DLC1: variants seen among roughly 807,000 people sequenced by gnomAD.
DLC1 encodes the protein DLC1 Rho GTPase activating protein.
A neutral mutation model predicts 140.3 loss-of-function variants in DLC1; 54 were observed. The ratio of observed to expected loss-of-function variants is 0.38; its 90% CI spans 0.31 to 0.48. The LOEUF is 0.48. Among genes scored for constraint, DLC1 ranks in the 20% least tolerant of loss-of-function variants. DLC1 has a pLI of 0.96. For synonymous variants in DLC1, 986 were observed against 728.1 expected (o/e 1.35, Z -5.70); for missense variants, 2,536 against 1,907.0 (o/e 1.33, Z -6.14).
chr8:13,273,796 G>T (rs1237638683), intron 5 of DLC1, among the ~76,000 whole-genome samples: 1 of 150,472 alleles, frequency 6.6e-6, no homozygotes, highest in Non-Finnish European at 1.5e-5. Flanking sequence ...GAATGAATAA[G>T]AATATACCTA....
At chr8:13,346,383 C>T (rs376163526) in intron 4 of DLC1, among the ~76,000 whole-genome samples, 6 of 152,310 alleles carry the variant, frequency 3.9e-5, no homozygotes, top group East Asian at 1.9e-4. Context: ...GCACCAGGAA[C>T]GAAACGTAGG....
chr8:13,494,064 A>G (rs557841408), intron 2 of DLC1, among the ~76,000 whole-genome samples: 1 of 152,350 alleles, frequency 6.6e-6, no homozygotes, highest in African/African-American at 2.4e-5. Flanking sequence ...ATAGCATCTG[A>G]TAAACATCAC....
At chr8:13,159,438 C>A (rs920612830) in intron 5 of DLC1, among the ~76,000 whole-genome samples, 1 of 152,162 alleles carries the variant, frequency 6.6e-6, no homozygotes, top group Non-Finnish European at 1.5e-5. Flanking sequence ...CGCATTCTCA[C>A]GTTCAGGTTT....
chr8:13,207,908 A>G (rs1827752029), intron 5 of DLC1, among the ~76,000 whole-genome samples: 1 of 152,186 alleles, frequency 6.6e-6, no homozygotes, highest in Non-Finnish European at 1.5e-5. Flanking sequence ...ACTTGACAGT[A>G]TTATGTATAC....
chr8:13,539,688 C>T (rs1406550463), intron 1 of DLC1, among the ~76,000 whole-genome samples: 2 of 151,558 alleles, frequency 1.3e-5, no homozygotes, highest in Non-Finnish European at 2.9e-5. Context: ...TGCAGGTGGG[C>T]ATGTTTGTAG....
At chr8:13,405,420 C>T (rs1043886430) in intron 2 of DLC1, among the ~76,000 whole-genome samples, 3 of 152,164 alleles carry the variant, frequency 2.0e-5, no homozygotes, top group East Asian at 1.9e-4. Flanking sequence ...CTTTAAGTTA[C>T]TGATATGTCA....
Position 13,539,494 on chromosome 8 carries a change from C to T in DLC1, c.-125-39298G>A, listed in dbSNP as rs1292142002. On this transcript the variant is annotated intron_variant, in intron 1 of 1. Coordinates refer to the DLC1 transcript ENST00000631382. ...GGATTACAGGCGTGAGCCACTGCAC[C>T]CGCCGCGAATAGTATTTTGGTGAAA... Among the ~76,000 whole-genome samples the T allele has an allele frequency of 2.0e-5, 3 of 152,126 alleles. No homozygotes were observed. The East Asian group carries it at 5.8e-4, about 29-fold the overall frequency.
chr8:13,248,383 A>T (rs1563196719), intron 5 of DLC1, among the ~76,000 whole-genome samples: 1 of 102,418 alleles, frequency 9.8e-6, no homozygotes, highest in African/African-American at 4.4e-5. Flanking sequence ...AGGAAGAAAG[A>T]CTCTCTGACT....
At chr8:13,191,686 C>T (rs1826763915) in intron 5 of DLC1, among the ~76,000 whole-genome samples, 1 of 152,108 alleles carries the variant, frequency 6.6e-6, no homozygotes, top group African/African-American at 2.4e-5. Flanking sequence ...TTTATAAAGC[C>T]TAAATCTATG....
At chr8:13,553,204 A>ATATATG (rs1563436753) in intron 1 of DLC1, among the ~76,000 whole-genome samples, 2 of 34,778 alleles carry the variant, frequency 5.8e-5, no homozygotes, top group African/African-American at 2.2e-4. Flanking sequence ...GCCAGCTGTC[A>ATATATG]TATATATATA....
chr8:13,368,351 T>C (rs1835585632), intron 4 of DLC1, among the ~76,000 whole-genome samples: 2 of 152,126 alleles, frequency 1.3e-5, no homozygotes, highest in African/African-American at 4.8e-5. Flanking sequence ...TCTGGAAACT[T>C]GGCATCCTCT....
chr8:13,356,623 G>C (rs1834954697), intron 4 of DLC1, among the ~76,000 whole-genome samples: 1 of 151,974 alleles, frequency 6.6e-6, no homozygotes, highest in African/African-American at 2.4e-5. Flanking sequence ...AATAATCTGT[G>C]CTAATTTACA....
chr8:13,493,916 A>G (rs1183140171), intron 2 of DLC1, among the ~76,000 whole-genome samples: 1 of 152,322 alleles, frequency 6.6e-6, no homozygotes, highest in South Asian at 2.1e-4. Flanking sequence ...AAATGTTTGC[A>G]TATTTTAAAT....
chr8:13,583,804 G>T (rs2117451943), intron 1 of DLC1: 1 of 152,394 alleles, frequency 6.6e-6, no homozygotes, highest in African/African-American at 2.4e-5. Context: ...GAGGCTGCAT[G>T]GTGAAAATTG....
chr8:13,540,845 A>G (rs1490945634), intron 1 of DLC1, among the ~76,000 whole-genome samples: 2 of 152,202 alleles, frequency 1.3e-5, no homozygotes, highest in East Asian at 3.9e-4. Context: ...TCACAGAAGG[A>G]CACCAGAACA....
intron 2 of DLC1, among the ~76,000 whole-genome samples, chr8:13,416,125 T>C (rs1838045467): frequency 6.6e-6 from 1 of 152,344 alleles, no homozygotes; most frequent in Middle Eastern, 3.4e-3. Flanking sequence ...TGTACCCTGA[T>C]GCTGGCGTCT....
intron 6 of DLC1, among the ~76,000 whole-genome samples, chr8:13,115,017 A>G (rs1003408494): frequency 1.3e-5 from 2 of 152,208 alleles, no homozygotes; most frequent in Non-Finnish European, 2.9e-5. Flanking sequence ...CACAAAAGAT[A>G]GATGCAAGAA....
intron 5 of DLC1, among the ~76,000 whole-genome samples, chr8:13,280,585 T>C (rs1345153164): frequency 6.6e-6 from 1 of 152,196 alleles, no homozygotes; most frequent in African/African-American, 2.4e-5. Context: ...ACATTTTATC[T>C]TACTGCAAAC....
intron 7 of DLC1, among the ~76,000 whole-genome samples, chr8:13,107,917 G>C (rs532410709): frequency 1.3e-5 from 2 of 152,196 alleles, no homozygotes; most frequent in South Asian, 4.2e-4. Context: ...GTGGTGGTGG[G>C]TGCCTGTAAT....
Sources: allele counts gnomAD v4.1 joint callset (sites outside exome capture counted in the v4.1 genomes callset), GRCh38; gene constraint gnomAD v4.1.1; transcripts MANE v1.5; gene names NCBI Gene and HGNC (gene_info 2026-07-23, HGNC 2026-07-21).